The following ZC3H7B variants were observed in gnomAD, a reference collection of about 807,000 sequenced individuals.
The protein encoded by ZC3H7B is zinc finger CCCH domain-containing protein 7B.
ZC3H7B carries 35 observed loss-of-function variants against 116.0 expected under a neutral mutation model. The ratio of observed to expected loss-of-function variants is 0.30; its 90% CI spans 0.23 to 0.40. The LOEUF (loss-of-function observed/expected upper bound fraction) is 0.40. Ranked by LOEUF, ZC3H7B falls within the 10% of genes least tolerant of loss-of-function variation. The pLI is 1.00. For missense variants in ZC3H7B, 1,011 were observed against 1,321.5 expected, an observed-to-expected ratio of 0.77 and a Z score of 3.64; for synonymous variants, 502 against 545.6, an observed-to-expected ratio of 0.92 and a Z score of 1.11.
rs145412447 is a variant in ZC3H7B at position 41,349,185 on chromosome 22, A to G, written c.1832A>G (p.His611Arg). 1.7e-5 allele frequency: 27 copies of G among 1,613,816 alleles called. No individual in the cohort carries two copies. Among genetic ancestry groups the G allele is most frequent in the African/African-American group, 1.3e-5 (1 of 75,034 alleles). The change falls in exon 16 of 23, where the codon CAC becomes CGC. Residue 611 changes from histidine (H) to arginine (R), a missense_variant. His to Arg is a conservative substitution (Grantham distance 29). Coordinates refer to ENST00000352645, the MANE Select transcript of ZC3H7B (RefSeq NM_017590.6). The surrounding 1 kb of genome is among the most constrained non-coding windows in gnomAD (Gnocchi z 4.9). Reference protein sequence around the residue: ...KYSKIRQFQEHFQFDVCRHEV... With the variant: ...KYSKIRQFQERFQFDVCRHEV... ...TCCAAGATCCGCCAGTTCCAGGAGC[A>G]CTTCCAGTTCGACGTGTGCCGCCAT...
intron 1 of ZC3H7B, among the ~76,000 whole-genome samples, chr22:41,314,313 A>T (rs1288204379): frequency 1.4e-5 from 2 of 146,764 alleles, no homozygotes; most frequent in East Asian, 4.3e-4. Flanking sequence ...AGTGCCACCA[A>T]GCCTGGCTAC....
intron 17 of ZC3H7B, among the ~76,000 whole-genome samples, chr22:41,352,951 G>T (rs1226339302): frequency 1.3e-5 from 2 of 151,848 alleles, no homozygotes; most frequent in African/African-American, 4.8e-5. Context: ...ATGGTGGCGG[G>T]CACCTGCAAT....
rs776863330 is a variant in ZC3H7B at position 41,355,570 on chromosome 22, C to A, written c.2136C>A (p.Asp712Glu). Residue 712 changes from aspartate (D) to glutamate (E), a missense_variant, in exon 18 of 23, where the codon GAC (aspartate) becomes GAA (glutamate). This residue lies in a region of ZC3H7B where 406 missense variants were observed against 590.2 expected (regional missense o/e 0.69). Coordinates refer to ENST00000352645, the MANE Select transcript of ZC3H7B (RefSeq NM_017590.6). ...GGCAGGTGGTGGAGCCTGACAAGGA[C>A]CTCAAGTACTGTAGTGCCAAGGCCC... ...RNGQVVEPDK[D>E]LKYCSAKARH... 4.3e-6 allele frequency: 7 copies of A among 1,614,156 alleles called. No homozygotes were observed. The Admixed American group carries it at 1.2e-4, about 27-fold the overall frequency.
intron 6 of ZC3H7B, 27 bp downstream of exon 6, chr22:41,330,130 G>T: frequency 6.2e-7 from 1 of 1,613,052 alleles, no homozygotes; most frequent in East Asian, 2.2e-5. Flanking sequence ...CCCTGGGAGG[G>T]TCGGTGTGGA....
In ZC3H7B at chr22:41,343,532, G is replaced by A. The variant is rs2036548829; in HGVS notation, c.1415G>A (p.Arg472Gln). ...EDQTWKRIRP[R>Q]PTKTSFVGSY... ...CAGACCTGGAAGCGGATCCGGCCCC[G>A]GCCCACTAAGACCAGCTTCGTGGGC... is the stretch of plus-strand genomic sequence containing the variant. Residue 472 changes from arginine to glutamine, a missense_variant, in exon 13 of 23, where the codon CGG becomes CAG. Transcript: ENST00000352645. 3.1e-6 allele frequency: 5 copies of A among 1,612,888 alleles called. No homozygotes were observed. Among genetic ancestry groups the A allele is most frequent in the East Asian group, 2.2e-5 (1 of 44,860 alleles).
chr22:41,339,799 C>G lies in ZC3H7B; in HGVS notation c.817-17C>G. 1 of 1,568,674 alleles carries G rather than the reference C, an allele frequency of 6.4e-7. No homozygotes were observed. The highest frequency in any genetic ancestry group is 8.7e-7 in the Non-Finnish European group (1 of 1,152,914). On this transcript the variant is annotated splice_polypyrimidine_tract_variant and intron_variant, in intron 9 of 22. Transcript: ENST00000352645. Reference sequence around the variant, plus strand: ...TCCTGTTTTCCTCTGACCCCTCCCTCTGTCCCTGCCTCATAGTCTCTGGTC... The same window carrying G: ...TCCTGTTTTCCTCTGACCCCTCCCTGTGTCCCTGCCTCATAGTCTCTGGTC...
At chr22:41,343,348 G>T in intron 12 of ZC3H7B, 67 bp from the exon 13 acceptor site, 1 of 1,548,946 alleles carries the variant, frequency 6.5e-7, no homozygotes. Flanking sequence ...CCCACCGCAT[G>T]GGCCTGCCAG....
At chr22:41,330,502 A>G (rs2036367812) in intron 6 of ZC3H7B, among the ~76,000 whole-genome samples, 1 of 152,242 alleles carries the variant, frequency 6.6e-6, no homozygotes, top group South Asian at 2.1e-4. Flanking sequence ...GCCGAGGGCC[A>G]GGAGGCTGCA....
intron 1 of ZC3H7B, among the ~76,000 whole-genome samples, chr22:41,305,679 G>T (rs551878501): frequency 6.6e-6 from 1 of 152,306 alleles, no homozygotes; most frequent in East Asian, 1.9e-4. Flanking sequence ...ACTGCAGAAA[G>T]CAGAATGGCA....
intron 1 of ZC3H7B, among the ~76,000 whole-genome samples, chr22:41,307,830 A>G (rs913576939): frequency 1.3e-5 from 2 of 152,196 alleles, no homozygotes; most frequent in African/African-American, 2.4e-5. Context: ...GAGGTAGAGA[A>G]GGGAGTCAGA....
chr22:41,334,019 G>T (rs1601780664), intron 7 of ZC3H7B: 2 of 152,380 alleles, frequency 1.3e-5, no homozygotes, highest in South Asian at 2.1e-4. Context: ...ATGTGCAAAG[G>T]CCCTGAGGCC....
At chr22:41,332,580 A>C in intron 7 of ZC3H7B, 30 of 236,210 alleles carry the variant, frequency 1.3e-4, no homozygotes, top group East Asian at 1.9e-4. Context: ...TGGGCCTCAA[A>C]TGTCTTCCTC....
At chr22:41,316,339 A>C (rs958377207) in intron 1 of ZC3H7B, among the ~76,000 whole-genome samples, 7 of 149,040 alleles carry the variant, frequency 4.7e-5, no homozygotes, top group African/African-American at 1.7e-4. Flanking sequence ...TCTGTTGCCC[A>C]GGCTGGAGTG....
chr22:41,325,646 AG>A (rs1042119217), intron 3 of ZC3H7B, 49 bp downstream of exon 3: 2 of 1,609,210 alleles, frequency 1.2e-6, no homozygotes, highest in African/African-American at 2.7e-5. Context: ...GGAGATGTGC[AG>A]GGGAGAGGCG....
rs1401935636 is a variant in ZC3H7B, at chr22:41,349,231, G to A, written c.1878G>A (p.Leu626=). The A allele has an allele frequency of 2.5e-6, 4 of 1,613,396 alleles. No homozygotes were observed. Among genetic ancestry groups the A allele is most frequent in the Non-Finnish European group, 3.4e-6 (4 of 1,180,004 alleles). ...GCCATGAGGTGCGCTACGGCTGCCTGCGGGAGGACAGCTGCCACTTCGCCC... is the reference window on the plus strand; with the variant it reads ...GCCATGAGGTGCGCTACGGCTGCCTACGGGAGGACAGCTGCCACTTCGCCC... ...VCRHEVRYGC[L]REDSCHFAHS... The change falls in exon 16 of 23, where the codon CTG becomes CTA. Residue 626 remains leucine (L), a synonymous_variant. Transcript: ENST00000352645. The surrounding 1 kb of genome is among the most constrained non-coding windows in gnomAD (Gnocchi z 4.9).
chr22:41,341,185 T>C, intron 11 of ZC3H7B, 39 bp downstream of exon 11: 3 of 1,611,620 alleles, frequency 1.9e-6, no homozygotes, highest in Non-Finnish European at 2.5e-6. Flanking sequence ...TCTCATTCCC[T>C]GCTGGGGGTT....
In ZC3H7B at chr22:41,359,115, T is replaced by C. The variant is rs1276562386; in HGVS notation, c.*1686T>C. 2.6e-5 allele frequency: 4 copies of C among 152,720 alleles called. No homozygotes were observed. Among genetic ancestry groups the C allele is most frequent in the African/African-American group, 9.7e-5 (4 of 41,394 alleles). The allele number at this position is 152,720 out of a possible 1,614,324, so 9.5% of individuals were successfully genotyped here. On this transcript the variant is annotated 3_prime_UTR_variant, in exon 23 of 23. Coordinates refer to ENST00000352645, the MANE Select transcript of ZC3H7B (RefSeq NM_017590.6). Reference sequence around the variant, plus strand: ...CGCAGCAGGCCAGCACTGCAGAGTTTGGGTGCTGGTGGTGTGGCTGTAGGG... The same window carrying C: ...CGCAGCAGGCCAGCACTGCAGAGTTCGGGTGCTGGTGGTGTGGCTGTAGGG...
chr22:41,326,244 C>T (rs1168694257), intron 4 of ZC3H7B, among the ~76,000 whole-genome samples: 3 of 152,192 alleles, frequency 2.0e-5, no homozygotes, highest in Non-Finnish European at 2.9e-5. Context: ...TTCTCCTGCT[C>T]CTCCCTCCCG....
intron 11 of ZC3H7B, 102 bp downstream of exon 11, chr22:41,341,248 T>TA: frequency 1.4e-6 from 2 of 1,395,636 alleles, no homozygotes; most frequent in Non-Finnish European, 2.0e-6. Flanking sequence ...GGCACTGCAT[T>TA]CCCCACGGCG....
Sources: allele counts gnomAD v4.1 joint callset (sites outside exome capture counted in the v4.1 genomes callset), GRCh38; gene constraint gnomAD v4.1.1; regional missense constraint gnomAD v4.1.1; non-coding constraint Gnocchi (gnomAD v3.1); transcripts MANE v1.5; gene names NCBI Gene and HGNC (gene_info 2026-07-23, HGNC 2026-07-21).